Variants in ZNF317 observed in about 807,000 individuals in gnomAD.
The protein encoded by ZNF317 is zinc finger protein 317.
A neutral mutation model predicts 23.4 loss-of-function variants in ZNF317; 17 were observed. The ratio of observed to expected loss-of-function variants is 0.73; its 90% CI spans 0.50 to 1.09. ZNF317 has a LOEUF of 1.09. ZNF317 is among the 50% of genes least tolerant of loss of function. ZNF317 has a pLI of 0.00. For missense variants in ZNF317, 679 were observed against 796.7 expected (o/e 0.85, Z 1.78); for synonymous variants, 317 against 314.9 (o/e 1.01, Z -0.07).
Position 9,155,824 on chromosome 19 carries a change from C to T in ZNF317, c.-92-101C>T, listed in dbSNP as rs557736032. The T allele has an allele frequency of 4.6e-6, 3 of 646,730 alleles. No homozygotes were observed. The East Asian group carries it at 8.3e-5, about 18-fold the overall frequency. The allele number at this position is 646,730 out of a possible 1,614,324, so 40.1% of individuals were successfully genotyped here. ...CCAGGATCAGGCAGATCTTGCTGCT[C>T]AAAAGAGGAAATGCCAAAAAACAAA... On this transcript the variant is annotated intron_variant, in intron 1 of 6. Coordinates refer to ENST00000247956, the MANE Select transcript of ZNF317 (RefSeq NM_020933.5).
Position 9,161,065 on chromosome 19 carries a change from T to C in ZNF317, c.1420T>C (p.Tyr474His). The change falls in exon 7 of 7, where the codon TAC becomes CAC. Residue 474 changes from tyrosine (Y) to histidine (H), a missense_variant. By Grantham distance (83) the Tyr-to-His change is moderately conservative. Transcript: ENST00000247956. This position sits in a 1 kb window ranked among gnomAD's most constrained non-coding sequence, Gnocchi z 4.0. ...GAAGATACACACGCAAGAGAGACGCTACGAATGCGCCGCCTGCGGGAAAGT... is the reference window on the plus strand; with the variant it reads ...GAAGATACACACGCAAGAGAGACGCCACGAATGCGCCGCCTGCGGGAAAGT... ...HRKIHTQERRYECAACGKVFG... is the reference protein window; with the variant it reads ...HRKIHTQERRHECAACGKVFG... 5 of 1,614,166 alleles carry C rather than the reference T, an allele frequency of 3.1e-6. No individual in the cohort carries two copies. The highest frequency in any genetic ancestry group is 4.2e-6 in the Non-Finnish European group (5 of 1,180,040).
intron 2 of ZNF317, among the ~76,000 whole-genome samples, chr19:9,156,387 C>T (rs2050782878): frequency 1.3e-5 from 2 of 152,158 alleles, no homozygotes; most frequent in Non-Finnish European, 1.5e-5. Flanking sequence ...TATGTCACTT[C>T]TTATGAGTAT....
At chr19:9,143,246 A>G (rs2050650592) in intron 1 of ZNF317, among the ~76,000 whole-genome samples, 1 of 152,084 alleles carries the variant, frequency 6.6e-6, no homozygotes, top group Non-Finnish European at 1.5e-5. Context: ...TATAATAATT[A>G]TATGTTGCTT....
intron 1 of ZNF317, among the ~76,000 whole-genome samples, chr19:9,155,525 G>A (rs2050774025): frequency 6.6e-6 from 1 of 152,160 alleles, no homozygotes; most frequent in African/African-American, 2.4e-5. Context: ...TGGAGTGTGG[G>A]TGCAAAGGGC....
rs980263384 is a variant in ZNF317, at chr19:9,160,906, C to T, written c.1261C>T (p.Arg421Trp). The change falls in exon 7 of 7, where the codon CGG (arginine) becomes TGG (tryptophan). Residue 421 changes from arginine (R) to tryptophan (W), a missense_variant. Physicochemically the swap from Arg to Trp is moderately radical, Grantham distance 101. Transcript: ENST00000247956. This position sits in a 1 kb window ranked among gnomAD's most constrained non-coding sequence, Gnocchi z 6.8. ...IHIVKKPVEC[R>W]QCGKTFRNQS... ...CATCGTCAAGAAACCCGTGGAATGT[C>T]GGCAGTGCGGGAAGACCTTCCGAAA... 5.0e-6 allele frequency: 8 copies of T among 1,613,920 alleles called. No individual in the cohort carries two copies. The highest frequency in any genetic ancestry group is 1.6e-4 in the Middle Eastern group (1 of 6,062).
rs1421517266 is a variant in ZNF317 at position 9,160,215 on chromosome 19, C to T, written c.570C>T (p.Gly190=). Residue 190 remains glycine, a synonymous_variant, in exon 7 of 7, where the codon GGC becomes GGT. Coordinates refer to ENST00000247956, the MANE Select transcript of ZNF317 (RefSeq NM_020933.5). The surrounding 1 kb of genome is among the most constrained non-coding windows in gnomAD (Gnocchi z 6.8). ...HLTQPMGRHA[G]KRPYHRRDYG... is the part of the protein sequence containing the mutation. ...CTCAGCCAATGGGAAGGCACGCTGG[C>T]AAGAGGCCCTATCACCGCCGCGACT... The T allele has an allele frequency of 6.2e-7, 1 of 1,614,106 alleles. No individual in the cohort carries two copies. Among genetic ancestry groups the T allele is most frequent in the Non-Finnish European group, 8.5e-7 (1 of 1,180,016 alleles).
Position 9,156,707 on chromosome 19 carries a change from T to G in ZNF317, c.121T>G (p.Cys41Gly), listed in dbSNP as rs761350610. Residue 41 changes from cysteine (C) to glycine (G), a missense_variant, in exon 3 of 7, where the codon TGC becomes GGC. Physicochemically the swap from Cys to Gly is radical, Grantham distance 159. Transcript: ENST00000247956. ...TCCCCAGAATTTGGACCTGTTCGTG[T>G]GCAGTGGTCTGGAGCCTCACACACC... ...SCPQNLDLFV[C>G]SGLEPHTPSV... is the part of the protein sequence containing the mutation. 10 of 1,614,070 alleles carry G rather than the reference T, an allele frequency of 6.2e-6. No homozygotes were observed. Among genetic ancestry groups the G allele is most frequent in the Non-Finnish European group, 8.5e-6 (10 of 1,180,036 alleles).
intron 1 of ZNF317, among the ~76,000 whole-genome samples, chr19:9,148,579 G>A (rs2050708712): frequency 6.6e-6 from 1 of 152,168 alleles, no homozygotes; most frequent in East Asian, 1.9e-4. Context: ...CTGGGTGGCT[G>A]TCTCAGTATG....
At position 9,163,275 on chromosome 19, in the gene ZNF317, A is replaced by G. The variant is rs1432675866; in HGVS notation, c.*1842A>G. 1.3e-5 allele frequency: 2 copies of G among 152,252 alleles called. No individual in the cohort carries two copies. The highest frequency in any genetic ancestry group is 2.9e-5 in the Non-Finnish European group (2 of 68,062). The allele number at this position is 152,252 out of a possible 1,614,324, so 9.4% of individuals were successfully genotyped here. A position where few individuals can be genotyped will look rare whatever the true frequency, so the allele number is the denominator to read the frequency against. ...CTTAACGACCGTGCATATGAAAACC[A>G]CAGTCTAAGGAAGTGACTGCAGAAA... is the stretch of plus-strand genomic sequence containing the variant. On this transcript the variant is annotated 3_prime_UTR_variant, in exon 7 of 7. Transcript: ENST00000247956.
intron 1 of ZNF317, among the ~76,000 whole-genome samples, chr19:9,155,151 TA>T (rs1172833157): frequency 6.6e-6 from 1 of 152,198 alleles, no homozygotes; most frequent in African/African-American, 2.4e-5. Context: ...GCATTGCAGA[TA>T]TTTTTTTCCC....
intron 1 of ZNF317, among the ~76,000 whole-genome samples, chr19:9,151,340 TC>T (rs2050734420): frequency 6.6e-6 from 1 of 152,228 alleles, no homozygotes; most frequent in Non-Finnish European, 1.5e-5. Flanking sequence ...AAAACACACT[TC>T]CTATATTATT....
rs763779253 is a variant in ZNF317 at position 9,160,344 on chromosome 19, G to A, written c.699G>A (p.Thr233=). The A allele has an allele frequency of 1.2e-5, 19 of 1,614,166 alleles. No homozygotes were observed. Among genetic ancestry groups the A allele is most frequent in the Admixed American group, 1.7e-5 (1 of 60,024 alleles). Residue 233 remains threonine (T), a synonymous_variant, in exon 7 of 7, where the codon ACG becomes ACA. Transcript: ENST00000247956. This position sits in a 1 kb window ranked among gnomAD's most constrained non-coding sequence, Gnocchi z 6.8. The stretch of plus-strand genomic sequence containing the variant: ...ATCAGTGCCAAAAAGCCTTCACCAC[G>A]AGCGCGTCCCTCACACGGCACAGGA... ...ECHQCQKAFT[T]SASLTRHRRI...
chr19:9,160,094 A>G lies in ZNF317; in HGVS notation c.469-20A>G. On this transcript the variant is annotated intron_variant, in intron 6 of 6. Coordinates refer to ENST00000247956, the MANE Select transcript of ZNF317 (RefSeq NM_020933.5). This position sits in a 1 kb window ranked among gnomAD's most constrained non-coding sequence, Gnocchi z 6.8. ...GAATATGAGAATTGCCTTTGTCAGC[A>G]CTTACGTCTTAACCAACAGGAAAGA... 2 of 1,613,000 alleles carry G rather than the reference A, an allele frequency of 1.2e-6. No homozygotes were observed. Among genetic ancestry groups the G allele is most frequent in the South Asian group, 1.1e-5 (1 of 91,064 alleles).
Position 9,161,706 on chromosome 19 carries a change from C to T in ZNF317, c.*273C>T. 2.5e-6 allele frequency: 1 copy of T among 398,282 alleles called. No individual in the cohort carries two copies. Among genetic ancestry groups the T allele is most frequent in the Non-Finnish European group, 4.5e-6 (1 of 222,400 alleles). 24.7% of individuals were successfully genotyped at this position (398,282 alleles called of 1,614,324 possible). A position where few individuals can be genotyped will look rare whatever the true frequency, so the allele number is the denominator to read the frequency against. Reference sequence around the variant, plus strand: ...TAACAAACACAGGAGGACTTAATGGCAGCTTGGCATTTAATGTCAAAATCC... The same window carrying T: ...TAACAAACACAGGAGGACTTAATGGTAGCTTGGCATTTAATGTCAAAATCC... On this transcript the variant is annotated 3_prime_UTR_variant, in exon 7 of 7. Coordinates refer to ENST00000247956, the MANE Select transcript of ZNF317 (RefSeq NM_020933.5). This position sits in a 1 kb window ranked among gnomAD's most constrained non-coding sequence, Gnocchi z 4.0.
intron 1 of ZNF317, among the ~76,000 whole-genome samples, chr19:9,145,281 G>A (rs61061405): frequency 0.24 from 36,816 of 152,082 alleles, 4,930 homozygotes; most frequent in African/African-American, 0.37. Flanking sequence ...GCCTAGAAAT[G>A]TGAGTTTTTC....
intron 1 of ZNF317, among the ~76,000 whole-genome samples, chr19:9,142,405 T>C (rs1158441632): frequency 6.6e-6 from 1 of 152,182 alleles, no homozygotes; most frequent in Non-Finnish European, 1.5e-5. Context: ...CAAGCCTGTT[T>C]GTTTTCTGAT....
At chr19:9,146,889 A>G (rs1177123094) in intron 1 of ZNF317, among the ~76,000 whole-genome samples, 2 of 152,210 alleles carry the variant, frequency 1.3e-5, no homozygotes, top group Non-Finnish European at 2.9e-5. Context: ...GATAAAATCA[A>G]ATATTGGGAG....
In ZNF317 at chr19:9,160,468, G is replaced by A. The variant is rs557231762; in HGVS notation, c.823G>A (p.Glu275Lys). 5 of 1,614,166 alleles carry A rather than the reference G, an allele frequency of 3.1e-6. No individual in the cohort carries two copies. The South Asian group carries it at 4.4e-5, about 14-fold the overall frequency. Residue 275 changes from glutamate (E) to lysine (K), a missense_variant, in exon 7 of 7, where the codon GAG becomes AAG. Transcript: ENST00000247956. This position sits in a 1 kb window ranked among gnomAD's most constrained non-coding sequence, Gnocchi z 6.8. ...GAGCCACGCAAGAACTCACCTCAAA[G>A]AGAAGCCCTTTGACTGCAGTCAGTG... ...LRSHARTHLK[E>K]KPFDCSQCGN...
chr19:9,151,133 G>A (rs2050732664), intron 1 of ZNF317, among the ~76,000 whole-genome samples: 1 of 152,194 alleles, frequency 6.6e-6, no homozygotes, highest in Admixed American at 6.5e-5. Flanking sequence ...AGGTGAGGAT[G>A]GAGATACTGT....
Sources: allele counts gnomAD v4.1 joint callset (sites outside exome capture counted in the v4.1 genomes callset), GRCh38; gene constraint gnomAD v4.1.1; non-coding constraint Gnocchi (gnomAD v3.1); transcripts MANE v1.5; gene names NCBI Gene and HGNC (gene_info 2026-07-23, HGNC 2026-07-21).